The following UNC13C variants were observed in gnomAD, a reference collection of about 807,000 sequenced individuals.
UNC13C encodes protein unc-13 homolog C.
UNC13C carries 174 observed loss-of-function variants against 245.4 expected under a neutral mutation model. The ratio of observed to expected loss-of-function variants is 0.71; its 90% CI spans 0.63 to 0.80. The LOEUF (loss-of-function observed/expected upper bound fraction) is 0.80. Ranked by LOEUF, UNC13C falls within the 30% of genes least tolerant of loss-of-function variation. The pLI, the probability that UNC13C is intolerant of heterozygous loss-of-function variation, is 0.00. For missense variants in UNC13C, 2,829 were observed against 2,602.9 expected, an observed-to-expected ratio of 1.09 and a Z score of -1.89; for synonymous variants, 992 against 895.1, an observed-to-expected ratio of 1.11 and a Z score of -1.93.
intron 32 of UNC13C, among the ~76,000 whole-genome samples, chr15:54,625,075 A>G (rs1372749494): frequency 2.0e-5 from 3 of 152,172 alleles, no homozygotes; most frequent in Non-Finnish European, 4.4e-5. Flanking sequence ...CATTTCAAGT[A>G]TACATCAAGT....
chr15:54,083,828 C>T (rs1457102117), intron 2 of UNC13C, among the ~76,000 whole-genome samples: 2 of 152,146 alleles, frequency 1.3e-5, no homozygotes, highest in Admixed American at 6.5e-5. Flanking sequence ...GGTGCATCGT[C>T]TTGGGGGCAG....
At chr15:53,986,906 C>G (rs1332825678) in intron 1 of UNC13C, among the ~76,000 whole-genome samples, 2 of 151,812 alleles carry the variant, frequency 1.3e-5, no homozygotes, top group African/African-American at 4.8e-5. Context: ...GAAAGACACT[C>G]TGAGATCCTA....
the UNC13C span, among the ~76,000 whole-genome samples, chr15:53,865,400 T>A: frequency 6.6e-6 from 1 of 152,206 alleles, no homozygotes; most frequent in Non-Finnish European, 1.5e-5. Context: ...GAGGCCTCTC[T>A]CCCTGGCTTG....
intron 18 of UNC13C, among the ~76,000 whole-genome samples, chr15:54,411,417 A>G (rs1384414734): frequency 6.6e-6 from 1 of 152,222 alleles, no homozygotes. Context: ...TTTGCCTAAT[A>G]TAAGGTCATA....
At chr15:54,455,947 C>T (rs1040696361) in intron 19 of UNC13C, among the ~76,000 whole-genome samples, 4 of 152,054 alleles carry the variant, frequency 2.6e-5, no homozygotes, top group Admixed American at 2.0e-4. Flanking sequence ...CTTTGTTCGT[C>T]ATTGTCTCAA....
intron 4 of UNC13C, among the ~76,000 whole-genome samples, chr15:54,203,937 C>G (rs750750992): frequency 1.3e-4 from 18 of 138,032 alleles, no homozygotes; most frequent in Admixed American, 6.6e-4. Context: ...TATATATACA[C>G]ACACACACAA....
chr15:54,590,729 C>T (rs1898742265), intron 30 of UNC13C, among the ~76,000 whole-genome samples: 1 of 152,152 alleles, frequency 6.6e-6, no homozygotes, highest in African/African-American at 2.4e-5. Context: ...ACGATCATAT[C>T]ATCAGCAAAC....
intron 10 of UNC13C, among the ~76,000 whole-genome samples, chr15:54,268,278 T>A (rs140484245): frequency 1.3e-5 from 2 of 152,258 alleles, no homozygotes; most frequent in Non-Finnish European, 2.9e-5. Context: ...ATTAGGCATT[T>A]TCTTTTCCAT....
the UNC13C span, among the ~76,000 whole-genome samples, chr15:53,839,933 T>A: frequency 1.3e-5 from 2 of 152,158 alleles, no homozygotes; most frequent in African/African-American, 4.8e-5. Flanking sequence ...ATTTTGCACG[T>A]TATTGCTGGC....
intron 25 of UNC13C, among the ~76,000 whole-genome samples, chr15:54,530,388 C>G (rs1895681475): frequency 6.6e-6 from 1 of 152,154 alleles, no homozygotes; most frequent in Non-Finnish European, 1.5e-5. Context: ...ACTACTGTCC[C>G]AATATTTCCT....
rs56255946 is a variant in UNC13C at position 54,138,953 on chromosome 15, A to ATTTTTTTTTTTTTTTTTTTTTTT, written c.2984-4062_2984-4040dup. Among the ~76,000 whole-genome samples, 46 of 48,634 alleles carry ATTTTTTTTTTTTTTTTTTTTTTT rather than the reference A, an allele frequency of 9.5e-4. 14 individuals carry two copies. The highest frequency in any genetic ancestry group is 2.9e-3 in the South Asian group (2 of 700). 31.9% of individuals were successfully genotyped at this position (48,634 alleles called of 152,430 possible). ...TGCATATATCTCCAAATTTCCCCTA[A>ATTTTTTTTTTTTTTTTTTTTTTT]TTTTTTTTTTTTTTTTTTTTTTTTT... On this transcript the variant is annotated intron_variant, in intron 2 of 32. Coordinates refer to ENST00000260323, the MANE Select transcript of UNC13C (RefSeq NM_001080534.3).
rs780486631 is a variant in UNC13C, at chr15:54,319,752, GA to G, written c.4269-2186del. ...TCTAGATGCTTTGGTGGCATAGTAA[GA>G]TATGAGAGCAAAATAGGATCACATT... On this transcript the variant is annotated intron_variant, in intron 13 of 32. Coordinates refer to ENST00000260323, the MANE Select transcript of UNC13C (RefSeq NM_001080534.3). Among the ~76,000 whole-genome samples, 4 of 118,116 alleles carry G rather than the reference GA, an allele frequency of 3.4e-5. No individual in the cohort carries two copies. In the South Asian group the frequency reaches 9.2e-4, roughly 27 times the overall value. The allele number at this position is 118,116 out of a possible 152,430, so 77.5% of individuals were successfully genotyped here.
At chr15:54,460,730 C>G (rs1891799825) in intron 19 of UNC13C, among the ~76,000 whole-genome samples, 3 of 152,230 alleles carry the variant, frequency 2.0e-5, no homozygotes. Context: ...TTCAAAGGGT[C>G]TGTGAATTTT....
chr15:54,255,263 T>G (rs957864625), intron 8 of UNC13C, among the ~76,000 whole-genome samples: 1 of 152,126 alleles, frequency 6.6e-6, no homozygotes, highest in African/African-American at 2.4e-5. Flanking sequence ...TTTGGTGTAC[T>G]GGAAGAATTG....
chr15:54,546,722 A>T lies in UNC13C; in HGVS notation c.5697A>T (p.Thr1899=), dbSNP rs1171806662. ...LRSLMDFLDK[T]LSLSAKICEK... ...ATATATATATATATTTTTTTTTCAG[A>T]TTAAGTCTCTCAGCAAAAATCTGTG... is the stretch of plus-strand genomic sequence containing the variant. Residue 1899 remains threonine, a splice_region_variant and synonymous_variant, in exon 27 of 33, where the codon ACA becomes ACT. Coordinates refer to ENST00000260323, the MANE Select transcript of UNC13C (RefSeq NM_001080534.3). 4 of 1,486,608 alleles carry T rather than the reference A, an allele frequency of 2.7e-6. No individual in the cohort carries two copies. Among genetic ancestry groups the T allele is most frequent in the Non-Finnish European group, 3.6e-6 (4 of 1,117,068 alleles). 92.1% of individuals were successfully genotyped at this position (1,486,608 alleles called of 1,614,324 possible).
At chr15:54,459,252 G>T (rs138958824) in intron 19 of UNC13C, among the ~76,000 whole-genome samples, 1 of 152,182 alleles carries the variant, frequency 6.6e-6, no homozygotes, top group Non-Finnish European at 1.5e-5. Flanking sequence ...TTTCTGCTGA[G>T]AAATATACCG....
intron 24 of UNC13C, among the ~76,000 whole-genome samples, chr15:54,519,508 T>A (rs1895126111): frequency 6.6e-6 from 1 of 152,254 alleles, no homozygotes; most frequent in Admixed American, 6.5e-5. Context: ...CTCTCTTTAA[T>A]TAGGATGGGA....
At chr15:54,439,829 C>T (rs1168672287) in intron 19 of UNC13C, among the ~76,000 whole-genome samples, 1 of 151,944 alleles carries the variant, frequency 6.6e-6, no homozygotes, top group East Asian at 1.9e-4. Context: ...TTGACATACA[C>T]AATATATTAT....
At chr15:54,074,168 G>T (rs1898473316) in intron 2 of UNC13C, among the ~76,000 whole-genome samples, 1 of 152,118 alleles carries the variant, frequency 6.6e-6, no homozygotes, top group African/African-American at 2.4e-5. Context: ...TGTCAGGTTT[G>T]CCAAAGATCC....
Sources: gnomAD v4.1 joint callset for allele counts (sites outside exome capture counted in the v4.1 genomes callset) on GRCh38, gnomAD v4.1.1 for gene constraint, MANE v1.5 for transcripts, NCBI Gene and HGNC (gene_info 2026-07-23, HGNC 2026-07-21) for gene names.